ADAMTS12: variants seen among roughly 807,000 people sequenced by gnomAD.
ADAMTS12 encodes the protein A disintegrin and metalloproteinase with thrombospondin motifs 12.
A neutral mutation model predicts 167.8 loss-of-function variants in ADAMTS12; 118 were observed. That is an observed-to-expected ratio of 0.70 (90% CI 0.61 to 0.82). ADAMTS12 has a LOEUF of 0.82. Ranked by LOEUF, ADAMTS12 falls within the 40% of genes least tolerant of loss-of-function variation. The pLI, the probability that ADAMTS12 is intolerant of heterozygous loss-of-function variation, is 0.00. For synonymous variants in ADAMTS12, 704 were observed against 716.9 expected (o/e 0.98, Z 0.29); for missense variants, 1,916 against 1,998.8 (o/e 0.96, Z 0.79).
At chr5:33,539,098 T>A (rs1013999997) in intron 22 of ADAMTS12, among the ~76,000 whole-genome samples, 1 of 152,104 alleles carries the variant, frequency 6.6e-6, no homozygotes, top group East Asian at 1.9e-4. Flanking sequence ...TGTACCACCA[T>A]GCCTGACTAA....
intron 11 of ADAMTS12, among the ~76,000 whole-genome samples, chr5:33,638,322 T>G (rs1309294898): frequency 3.3e-5 from 5 of 152,184 alleles, no homozygotes; most frequent in Non-Finnish European, 7.3e-5. Context: ...ATTATTTTAG[T>G]TCCCTGTTTT....
intron 2 of ADAMTS12, among the ~76,000 whole-genome samples, chr5:33,866,451 A>G (rs1749825444): frequency 6.6e-6 from 1 of 152,170 alleles, no homozygotes; most frequent in African/African-American, 2.4e-5. Flanking sequence ...TCAACTCAAG[A>G]TGGATCAAAG....
At chr5:33,705,774 A>G (rs1363497860) in intron 3 of ADAMTS12, among the ~76,000 whole-genome samples, 1 of 152,092 alleles carries the variant, frequency 6.6e-6, no homozygotes, top group Non-Finnish European at 1.5e-5. Flanking sequence ...ACACCATTGT[A>G]CTCCAGCCTG....
chr5:33,715,854 C>A (rs1743593707), intron 3 of ADAMTS12, among the ~76,000 whole-genome samples: 2 of 152,062 alleles, frequency 1.3e-5, no homozygotes, highest in South Asian at 4.1e-4. Flanking sequence ...TGTTGTCAGG[C>A]CAGGGAGTTG....
intron 10 of ADAMTS12, among the ~76,000 whole-genome samples, chr5:33,642,471 A>G (rs1740498810): frequency 6.6e-6 from 1 of 152,204 alleles, no homozygotes; most frequent in Non-Finnish European, 1.5e-5. Context: ...TTTCACTGCC[A>G]AAACACACTA....
At chr5:33,589,402 G>C (rs1747528761) in intron 17 of ADAMTS12, among the ~76,000 whole-genome samples, 1 of 152,050 alleles carries the variant, frequency 6.6e-6, no homozygotes, top group Non-Finnish European at 1.5e-5. Context: ...GATCAATCAG[G>C]GATATTGCCT....
intron 3 of ADAMTS12, among the ~76,000 whole-genome samples, chr5:33,690,844 G>A (rs987406877): frequency 2.6e-5 from 4 of 151,948 alleles, no homozygotes; most frequent in East Asian, 1.9e-4. Flanking sequence ...ACTTTTTTCC[G>A]TTCCGCACTC....
intron 3 of ADAMTS12, among the ~76,000 whole-genome samples, chr5:33,739,323 C>T (rs1412022000): frequency 1.3e-5 from 2 of 152,116 alleles, no homozygotes; most frequent in African/African-American, 2.4e-5. Context: ...CACACACACA[C>T]TACGCACAGC....
At chr5:33,807,497 G>C (rs1747283357) in intron 2 of ADAMTS12, among the ~76,000 whole-genome samples, 1 of 152,198 alleles carries the variant, frequency 6.6e-6, no homozygotes, top group African/African-American at 2.4e-5. Context: ...GGGTACCTGT[G>C]AGGATAAACT....
At chr5:33,719,877 G>GTATAC (rs1743747172) in intron 3 of ADAMTS12, among the ~76,000 whole-genome samples, 2 of 152,140 alleles carry the variant, frequency 1.3e-5, no homozygotes, top group African/African-American at 4.8e-5. Context: ...AAATTGTTTT[G>GTATAC]AAAATTACTG....
intron 23 of ADAMTS12, among the ~76,000 whole-genome samples, chr5:33,528,739 C>T (rs1290084425): frequency 2.0e-5 from 3 of 152,256 alleles, no homozygotes; most frequent in Non-Finnish European, 4.4e-5. Flanking sequence ...GCCAACAACC[C>T]GTCAGCAAAA....
intron 2 of ADAMTS12, among the ~76,000 whole-genome samples, chr5:33,875,950 CAG>C (rs1264049514): frequency 6.6e-6 from 1 of 152,098 alleles, no homozygotes; most frequent in African/African-American, 2.4e-5. Flanking sequence ...GTTAATAAGA[CAG>C]TTTAGCAAAT....
chr5:33,887,262 T>A (rs1334636752), intron 1 of ADAMTS12, among the ~76,000 whole-genome samples: 1 of 152,170 alleles, frequency 6.6e-6, no homozygotes, highest in Non-Finnish European at 1.5e-5. Flanking sequence ...CACAGTTCTC[T>A]GAGTAAGCAT....
At chr5:33,814,369 T>C (rs912962178) in intron 2 of ADAMTS12, among the ~76,000 whole-genome samples, 1 of 152,200 alleles carries the variant, frequency 6.6e-6, no homozygotes, top group African/African-American at 2.4e-5. Context: ...CATTGTAATA[T>C]TACCTTGCTC....
intron 2 of ADAMTS12, among the ~76,000 whole-genome samples, chr5:33,765,241 G>C (rs536879210): frequency 6.6e-6 from 1 of 152,264 alleles, no homozygotes; most frequent in Non-Finnish European, 1.5e-5. Context: ...TGGCAATTTA[G>C]CCCTAAATAC....
intron 7 of ADAMTS12, among the ~76,000 whole-genome samples, chr5:33,654,356 T>A (rs1222097162): frequency 6.6e-6 from 1 of 152,230 alleles, no homozygotes; most frequent in East Asian, 1.9e-4. Context: ...GAGTGATTTA[T>A]ATTGAAACCT....
intron 2 of ADAMTS12, among the ~76,000 whole-genome samples, chr5:33,754,548 G>A (rs1463976683): frequency 1.3e-5 from 2 of 152,164 alleles, no homozygotes; most frequent in African/African-American, 4.8e-5. Flanking sequence ...TTTTAACTAA[G>A]TTAAAAACAT....
chr5:33,596,280 A>G (rs1373321760), intron 16 of ADAMTS12, among the ~76,000 whole-genome samples: 1 of 152,146 alleles, frequency 6.6e-6, no homozygotes, highest in Non-Finnish European at 1.5e-5. Context: ...CCTAGGAAAA[A>G]CTGTAGATCA....
intron 3 of ADAMTS12, among the ~76,000 whole-genome samples, chr5:33,725,974 A>G (rs1743967881): frequency 6.6e-6 from 1 of 151,918 alleles, no homozygotes; most frequent in African/African-American, 2.4e-5. Context: ...TACATCCCTA[A>G]CTCTTCTACT....
Sources: allele counts gnomAD v4.1 joint callset (sites outside exome capture counted in the v4.1 genomes callset), GRCh38; gene constraint gnomAD v4.1.1; transcripts MANE v1.5; gene names NCBI Gene and HGNC (gene_info 2026-07-23, HGNC 2026-07-21).